The following PCDHGB1 variants were observed in gnomAD, a reference collection of about 807,000 sequenced individuals.
The protein encoded by PCDHGB1 is protocadherin gamma subfamily B, 1.
Under a neutral mutation model 56.6 loss-of-function variants are expected in PCDHGB1, and 34 were observed. The observed-to-expected ratio is 0.60, with a 90% CI of 0.46 to 0.80. The LOEUF is 0.80. Ranked by LOEUF, PCDHGB1 falls within the 30% of genes least tolerant of loss-of-function variation. PCDHGB1 has a pLI of 0.00. For synonymous variants in PCDHGB1, 561 were observed against 505.9 expected, an observed-to-expected ratio of 1.11 and a Z score of -1.46; for missense variants, 1,278 against 1,204.6, an observed-to-expected ratio of 1.06 and a Z score of -0.90.
rs1223431294 is a variant in PCDHGB1, at chr5:141,490,280, C to T, written c.2410-4527C>T. ...GATGTGGGGGATGTCAATGACAATG[C>T]CCCAGAGGTGCTATTGGCCTCTTTG... On this transcript the variant is annotated intron_variant, in intron 1 of 3. Transcript: ENST00000523390. The surrounding 1 kb of genome is among the most constrained non-coding windows in gnomAD (Gnocchi z 5.4). The T allele has an allele frequency of 5.6e-6, 9 of 1,614,216 alleles. No individual in the cohort carries two copies. In the East Asian group the frequency reaches 1.8e-4, roughly 32 times the overall value.
chr5:141,450,006 C>CT lies in PCDHGB1; in HGVS notation c.2410-44783dup, dbSNP rs1554136305. ...CACATTGCATTTAGTTGCCATGTCT[C>CT]TTTTTTTTTTTTTTTTTTGAGACAG... On this transcript the variant is annotated intron_variant, in intron 1 of 3. Coordinates refer to ENST00000523390, the MANE Select transcript of PCDHGB1 (RefSeq NM_018922.3). Among the ~76,000 whole-genome samples the CT allele has an allele frequency of 9.8e-3, 1,304 of 132,922 alleles. 21 individuals are homozygous for CT. Among genetic ancestry groups the CT allele is most frequent in the Non-Finnish European group, 0.015 (957 of 62,878 alleles). 87.2% of individuals were successfully genotyped at this position (132,922 alleles called of 152,430 possible).
At chr5:141,492,121 C>G (rs1205499685) in intron 1 of PCDHGB1, among the ~76,000 whole-genome samples, 1 of 152,232 alleles carries the variant, frequency 6.6e-6, no homozygotes, top group Non-Finnish European at 1.5e-5. Context: ...CGATTTCTCC[C>G]CAGCTCCCAG....
At chr5:141,451,193 A>T (rs2098710240) in intron 1 of PCDHGB1, among the ~76,000 whole-genome samples, 1 of 152,208 alleles carries the variant, frequency 6.6e-6, no homozygotes, top group Non-Finnish European at 1.5e-5. Context: ...TGTGTAACAA[A>T]TTATCCCAAA....
At chr5:141,394,101 C>A (rs753056702) in intron 1 of PCDHGB1, 7 of 1,613,944 alleles carry the variant, frequency 4.3e-6, no homozygotes, top group Middle Eastern at 1.6e-4. Flanking sequence ...TCTAGGAACA[C>A]CACCTCTGTC....
chr5:141,372,095 G>C (rs1359793562), intron 1 of PCDHGB1: 1 of 1,613,790 alleles, frequency 6.2e-7, no homozygotes, highest in Admixed American at 1.7e-5. Context: ...ACCCAGCTCT[G>C]GGGCCCGAAG....
In PCDHGB1 at chr5:141,489,091, T is replaced by TCAG. The variant is rs2099682519; in HGVS notation, c.2410-5716_2410-5715insCAG. On this transcript the variant is annotated intron_variant, in intron 1 of 3. Transcript: ENST00000523390. This position sits in a 1 kb window ranked among gnomAD's most constrained non-coding sequence, Gnocchi z 4.5. ...CTGCCCACCCCCGCCACTCGGTGACTAAGAACTGCTGCAAGCAGGCAAACC... is the reference window on the plus strand; with the variant it reads ...CTGCCCACCCCCGCCACTCGGTGACTCAGAAGAACTGCTGCAAGCAGGCAAACC... The TCAG allele has an allele frequency of 3.0e-6, 1 of 333,056 alleles. No individual in the cohort carries two copies. Among genetic ancestry groups the TCAG allele is most frequent in the Non-Finnish European group, 5.5e-6 (1 of 181,380 alleles). 20.6% of individuals were successfully genotyped at this position (333,056 alleles called of 1,614,324 possible). A position where few individuals can be genotyped will look rare whatever the true frequency, so the allele number is the denominator to read the frequency against.
chr5:141,505,302 G>GTAC, intron 2 of PCDHGB1, 91 bp from the exon 3 acceptor site: 5 of 1,592,714 alleles, frequency 3.1e-6, no homozygotes, highest in Non-Finnish European at 4.3e-6. Context: ...TAGGGTTAGG[G>GTAC]TACTAGGTTT....
chr5:141,371,274 C>T, intron 1 of PCDHGB1: 3 of 1,613,982 alleles, frequency 1.9e-6, no homozygotes, highest in Non-Finnish European at 2.5e-6. Context: ...ACTGTTCAAG[C>T]TGGACAGTAA....
At chr5:141,419,259 C>T (rs765877993) in intron 1 of PCDHGB1, 2 of 1,613,900 alleles carry the variant, frequency 1.2e-6, no homozygotes, top group South Asian at 2.2e-5. Flanking sequence ...AACAACCAGC[C>T]GGGTGCCTCC....
At chr5:141,384,470 A>G in intron 1 of PCDHGB1, 1 of 1,614,120 alleles carries the variant, frequency 6.2e-7, no homozygotes, top group South Asian at 1.1e-5. Context: ...GATTATGAGC[A>G]GTTGAGAGAA....
chr5:141,442,343 G>A (rs1300318674), intron 1 of PCDHGB1: 1 of 152,336 alleles, frequency 6.6e-6, no homozygotes, highest in African/African-American at 2.4e-5. Context: ...CAGGTTTCTG[G>A]GTAACTGTAG....
chr5:141,473,233 C>T (rs116489525), intron 1 of PCDHGB1, among the ~76,000 whole-genome samples: 1,684 of 152,238 alleles, frequency 0.011, 34 homozygotes, highest in African/African-American at 0.039. Flanking sequence ...ATTGGATCCA[C>T]ACAAGTGAAT....
chr5:141,368,483 A>G (rs1235581862), intron 1 of PCDHGB1, among the ~76,000 whole-genome samples: 1 of 152,210 alleles, frequency 6.6e-6, no homozygotes. Context: ...GAGTAACAAG[A>G]GAATCTATAC....
intron 1 of PCDHGB1, chr5:141,427,834 C>A: frequency 6.5e-7 from 1 of 1,542,566 alleles, no homozygotes; most frequent in Non-Finnish European, 8.9e-7. Flanking sequence ...GCGCAGCGTG[C>A]CTTCGACCAC....
intron 1 of PCDHGB1, chr5:141,394,727 C>G (rs971156422): frequency 8.7e-6 from 14 of 1,613,436 alleles, no homozygotes; most frequent in Middle Eastern, 1.6e-4. Flanking sequence ...GAGATGCGCT[C>G]AAGCAGAGCC....
At chr5:141,393,147 G>A in intron 1 of PCDHGB1, 2 of 1,613,298 alleles carry the variant, frequency 1.2e-6, no homozygotes, top group Non-Finnish European at 1.7e-6. Flanking sequence ...CCTGGTTGAG[G>A]ATAAAGGAAA....
chr5:141,431,320 C>T lies in PCDHGB1; in HGVS notation c.2410-63487C>T. On this transcript the variant is annotated intron_variant, in intron 1 of 3. Coordinates refer to ENST00000523390, the MANE Select transcript of PCDHGB1 (RefSeq NM_018922.3). The surrounding 1 kb of genome is among the most constrained non-coding windows in gnomAD (Gnocchi z 4.8). ...CCCTCATCGTGCAAAATGGAGCCGA[C>T]GGTAGTAAGTACCCCGAATTGGTGC... is the stretch of plus-strand genomic sequence containing the variant. 1 of 1,614,102 alleles carries T rather than the reference C, an allele frequency of 6.2e-7. No homozygotes were observed. Among genetic ancestry groups the T allele is most frequent in the Non-Finnish European group, 8.5e-7 (1 of 1,180,038 alleles).
At chr5:141,356,896 A>G in intron 1 of PCDHGB1, 2 of 1,614,052 alleles carry the variant, frequency 1.2e-6, no homozygotes, top group Non-Finnish European at 1.7e-6. Flanking sequence ...CCTGTACCCC[A>G]CCTTCCCTAC....
chr5:141,404,709 A>G (rs746275941), intron 1 of PCDHGB1: 33 of 1,613,624 alleles, frequency 2.0e-5, no homozygotes, highest in Non-Finnish European at 2.7e-5. Flanking sequence ...GAGCCTGGCT[A>G]CCTGGTGACC....
Sources: allele counts gnomAD v4.1 joint callset (sites outside exome capture counted in the v4.1 genomes callset), GRCh38; gene constraint gnomAD v4.1.1; non-coding constraint Gnocchi (gnomAD v3.1); transcripts MANE v1.5; gene names NCBI Gene and HGNC (gene_info 2026-07-23, HGNC 2026-07-21).